Variants in GRID2 observed in about 807,000 individuals in gnomAD.
GRID2 encodes glutamate receptor ionotropic, delta-2.
In GRID2, 33 loss-of-function variants were observed where a neutral mutation model predicts 114.8. That is an observed-to-expected ratio of 0.29 (90% CI 0.22 to 0.38). GRID2 has a LOEUF of 0.38. Among genes scored for constraint, GRID2 ranks in the 10% least tolerant of loss-of-function variants. The pLI is 1.00. For synonymous variants in GRID2, 505 were observed against 449.9 expected (o/e 1.12, Z -1.55); for missense variants, 1,184 against 1,257.7 (o/e 0.94, Z 0.89).
At chr4:93,572,018 C>T (rs986036175) in intron 13 of GRID2, among the ~76,000 whole-genome samples, 10 of 152,076 alleles carry the variant, frequency 6.6e-5, no homozygotes, top group Non-Finnish European at 1.2e-4. Context: ...ATGAATTAAA[C>T]ATCAGAAGCA....
intron 1 of GRID2, among the ~76,000 whole-genome samples, chr4:92,522,655 G>A (rs1724846519): frequency 6.6e-6 from 1 of 152,062 alleles, no homozygotes; most frequent in Non-Finnish European, 1.5e-5. Context: ...GTTAGGTAGA[G>A]CCTGAAGGAT....
chr4:93,763,623 AG>A (rs1733393817), intron 14 of GRID2, among the ~76,000 whole-genome samples: 1 of 152,200 alleles, frequency 6.6e-6, no homozygotes, highest in South Asian at 2.1e-4. Flanking sequence ...GGCAGACCTG[AG>A]TTCTAAGCCC....
At chr4:93,529,222 G>C (rs987609171) in intron 13 of GRID2, among the ~76,000 whole-genome samples, 1 of 152,152 alleles carries the variant, frequency 6.6e-6, no homozygotes, top group Non-Finnish European at 1.5e-5. Flanking sequence ...AAGATTCACG[G>C]AGTCTGGGGT....
chr4:93,075,199 A>G (rs1325766593), intron 2 of GRID2, among the ~76,000 whole-genome samples: 1 of 152,144 alleles, frequency 6.6e-6, no homozygotes, highest in Non-Finnish European at 1.5e-5. Context: ...AAAAAAGAAA[A>G]ACCATATGGT....
intron 1 of GRID2, among the ~76,000 whole-genome samples, chr4:92,368,188 G>C (rs536212964): frequency 1.3e-5 from 2 of 152,138 alleles, no homozygotes; most frequent in East Asian, 3.9e-4. Flanking sequence ...TCATGAAGTA[G>C]AGAATGAAGA....
intron 1 of GRID2, among the ~76,000 whole-genome samples, chr4:92,463,881 A>C (rs1000075738): frequency 6.6e-6 from 1 of 151,894 alleles, no homozygotes; most frequent in Admixed American, 6.6e-5. Flanking sequence ...ACCATTCCCT[A>C]TCTTGAGAAT....
intron 2 of GRID2, among the ~76,000 whole-genome samples, chr4:92,712,069 C>T (rs182123872): frequency 1.4e-4 from 22 of 151,952 alleles, no homozygotes; most frequent in African/African-American, 4.6e-4. Context: ...TCATGACGGC[C>T]GTATTAGAAT....
intron 13 of GRID2, among the ~76,000 whole-genome samples, chr4:93,571,813 G>A (rs1423725391): frequency 6.6e-6 from 1 of 152,038 alleles, no homozygotes; most frequent in Non-Finnish European, 1.5e-5. Context: ...TTACAGAAAA[G>A]GGAAGATAAG....
chr4:93,740,924 C>A (rs1319206224), intron 14 of GRID2, among the ~76,000 whole-genome samples: 2 of 149,452 alleles, frequency 1.3e-5, no homozygotes, highest in African/African-American at 5.0e-5. Context: ...TTTTCCTCTT[C>A]TGTCCTACTT....
chr4:93,316,835 A>G (rs769324256), intron 8 of GRID2, among the ~76,000 whole-genome samples: 1 of 152,114 alleles, frequency 6.6e-6, no homozygotes, highest in Non-Finnish European at 1.5e-5. Flanking sequence ...CCAAGAGCCA[A>G]TGTTTCCTTT....
intron 2 of GRID2, among the ~76,000 whole-genome samples, chr4:92,944,757 C>T (rs1751489798): frequency 3.3e-5 from 5 of 152,184 alleles, no homozygotes; most frequent in Admixed American, 3.3e-4. Flanking sequence ...CGTGTACTAA[C>T]AGTTATTTTA....
intron 2 of GRID2, among the ~76,000 whole-genome samples, chr4:92,888,833 T>C (rs1378374764): frequency 6.6e-6 from 1 of 151,370 alleles, no homozygotes; most frequent in African/African-American, 2.4e-5. Flanking sequence ...TTAATGCAAA[T>C]AAAGCGGACA....
chr4:92,864,809 A>G (rs1333802289), intron 2 of GRID2, among the ~76,000 whole-genome samples: 2 of 152,200 alleles, frequency 1.3e-5, no homozygotes, highest in Non-Finnish European at 2.9e-5. Flanking sequence ...ATAAACAAAG[A>G]CATCTTATCT....
chr4:93,320,574 A>T (rs1757104424), intron 8 of GRID2, among the ~76,000 whole-genome samples: 1 of 152,096 alleles, frequency 6.6e-6, no homozygotes, highest in South Asian at 2.1e-4. Context: ...GAATTCACAG[A>T]TATCTAAGGA....
At chr4:93,428,918 A>T (rs1404117056) in intron 10 of GRID2, among the ~76,000 whole-genome samples, 1 of 152,222 alleles carries the variant, frequency 6.6e-6, no homozygotes, top group East Asian at 1.9e-4. Flanking sequence ...AGAAGGAATC[A>T]AAGAGCAAAG....
intron 2 of GRID2, among the ~76,000 whole-genome samples, chr4:92,785,072 C>CTTTTTTTT (rs541472931): frequency 7.8e-6 from 1 of 128,210 alleles, no homozygotes; most frequent in African/African-American, 2.8e-5. Flanking sequence ...TTTTGTGTTC[C>CTTTTTTTT]TTTTTTTTTT....
chr4:92,414,633 T>A (rs1433786132), intron 1 of GRID2, among the ~76,000 whole-genome samples: 1 of 152,122 alleles, frequency 6.6e-6, no homozygotes, highest in African/African-American at 2.4e-5. Flanking sequence ...AACATATGGT[T>A]GTGGACAGTG....
At chr4:92,832,090 G>T (rs1353846198) in intron 2 of GRID2, among the ~76,000 whole-genome samples, 1 of 151,382 alleles carries the variant, frequency 6.6e-6, no homozygotes, top group African/African-American at 2.4e-5. Context: ...AAATAAGTAA[G>T]GTATTAAGAG....
chr4:93,098,991 G>C (rs1042900495), intron 3 of GRID2, among the ~76,000 whole-genome samples: 30 of 115,504 alleles, frequency 2.6e-4, no homozygotes, highest in African/African-American at 5.6e-4. Context: ...ATCATTTCCT[G>C]TGTGTGTGTG....
Sources: gnomAD v4.1 joint callset for allele counts (sites outside exome capture counted in the v4.1 genomes callset) on GRCh38, gnomAD v4.1.1 for gene constraint, MANE v1.5 for transcripts, NCBI Gene and HGNC (gene_info 2026-07-23, HGNC 2026-07-21) for gene names.